The following ROBO1 variants were observed in gnomAD, a reference collection of about 807,000 sequenced individuals.
The protein encoded by ROBO1 is roundabout homolog 1.
In ROBO1, 149 loss-of-function variants were observed where a neutral mutation model predicts 195.9. That is an observed-to-expected ratio of 0.76 (90% CI 0.67 to 0.87). The LOEUF is 0.87. ROBO1 is among the 40% of genes least tolerant of loss of function. The pLI is 0.00. For synonymous variants in ROBO1, 816 were observed against 733.2 expected (o/e 1.11, Z -1.82); for missense variants, 1,933 against 2,068.3 (o/e 0.93, Z 1.27).
intron 2 of ROBO1, among the ~76,000 whole-genome samples, chr3:79,378,621 G>C (rs1164322235): frequency 6.6e-6 from 1 of 152,134 alleles, no homozygotes; most frequent in Non-Finnish European, 1.5e-5. Flanking sequence ...GTAAAATTAT[G>C]TTATTTCTTG....
intron 2 of ROBO1, among the ~76,000 whole-genome samples, chr3:79,569,612 G>A (rs1403460753): frequency 1.3e-5 from 2 of 151,546 alleles, no homozygotes; most frequent in Non-Finnish European, 2.9e-5. Flanking sequence ...GTATTAATAA[G>A]ACCAATGCAC....
intron 2 of ROBO1, among the ~76,000 whole-genome samples, chr3:79,514,754 T>C (rs115737028): frequency 0.012 from 1,796 of 152,316 alleles, 29 homozygotes; most frequent in Middle Eastern, 0.048. Context: ...TAGCTTAATG[T>C]ATACATTCAG....
intron 2 of ROBO1, among the ~76,000 whole-genome samples, chr3:79,516,022 C>G (rs890595246): frequency 1.3e-5 from 2 of 152,140 alleles, no homozygotes; most frequent in African/African-American, 4.8e-5. Context: ...CTGTCCCACA[C>G]TTGACTTTCA....
At chr3:79,721,481 C>G (rs1383257270) in intron 1 of ROBO1, among the ~76,000 whole-genome samples, 1 of 152,138 alleles carries the variant, frequency 6.6e-6, no homozygotes, top group Non-Finnish European at 1.5e-5. Flanking sequence ...AGGAAACTGT[C>G]AAACTTTCTG....
At chr3:78,734,397 CA>C (rs35325702) in intron 5 of ROBO1, among the ~76,000 whole-genome samples, 129,731 of 135,012 alleles carry the variant, frequency 0.96, 62,301 homozygotes, top group East Asian at 0.99. Flanking sequence ...CCCACCGCCA[CA>C]AAAAAAAAAA....
At chr3:78,976,189 G>C (rs1022089004) in intron 3 of ROBO1, among the ~76,000 whole-genome samples, 1 of 152,064 alleles carries the variant, frequency 6.6e-6, no homozygotes, top group Non-Finnish European at 1.5e-5. Context: ...AAAGAATTAA[G>C]GCACAGTACT....
At chr3:79,179,645 C>G (rs145810087) in intron 2 of ROBO1, among the ~76,000 whole-genome samples, 3 of 152,202 alleles carry the variant, frequency 2.0e-5, no homozygotes, top group Non-Finnish European at 4.4e-5. Flanking sequence ...AATCAGTGAA[C>G]TTTGGGGAAA....
rs149700448 is a variant in ROBO1 at position 79,294,152 on chromosome 3, G to A, written c.89-168613C>T. Among the ~76,000 whole-genome samples, 751 of 148,500 alleles carry A rather than the reference G, an allele frequency of 5.1e-3. 10 individuals carry two copies. The highest frequency in any genetic ancestry group is 0.018 in the African/African-American group (723 of 40,110). ...GCCCATATAGTCAAGACAATCTTAAGCAAAAAGAACAAAGCTGGAGGCATC... is the reference window on the plus strand; with the variant it reads ...GCCCATATAGTCAAGACAATCTTAAACAAAAAGAACAAAGCTGGAGGCATC... On this transcript the variant is annotated intron_variant, in intron 2 of 30. Transcript: ENST00000464233.
At chr3:78,702,787 T>C (rs112153502) in intron 8 of ROBO1, among the ~76,000 whole-genome samples, 140 of 152,294 alleles carry the variant, frequency 9.2e-4, no homozygotes, top group African/African-American at 3.0e-3. Flanking sequence ...CCCACTGTTA[T>C]GTAGACGAAT....
rs745836596 is a variant in ROBO1, at chr3:78,646,204, A to G, written c.2840-14T>C. The G allele has an allele frequency of 2.3e-5, 32 of 1,399,250 alleles. No homozygotes were observed. Among genetic ancestry groups the G allele is most frequent in the Middle Eastern group, 1.9e-4 (1 of 5,394 alleles). The allele number at this position is 1,399,250 out of a possible 1,614,324, so 86.7% of individuals were successfully genotyped here. ...TCTGGTAAGTTACTAGAATGTTACGAAAAAAAAAAGGAACAATTAATAGAC... is the reference window on the plus strand; with the variant it reads ...TCTGGTAAGTTACTAGAATGTTACGGAAAAAAAAAGGAACAATTAATAGAC... On this transcript the variant is annotated splice_polypyrimidine_tract_variant and intron_variant, in intron 20 of 30. Transcript: ENST00000464233.
At chr3:79,355,301 A>T (rs2035506760) in intron 2 of ROBO1, among the ~76,000 whole-genome samples, 1 of 152,150 alleles carries the variant, frequency 6.6e-6, no homozygotes, top group Admixed American at 6.6e-5. Flanking sequence ...AGCTGTAATA[A>T]GTGCAATTTA....
intron 3 of ROBO1, among the ~76,000 whole-genome samples, chr3:78,951,203 A>G (rs561432695): frequency 2.0e-5 from 3 of 151,888 alleles, no homozygotes; most frequent in Admixed American, 1.3e-4. Context: ...CAAGTCCCAG[A>G]TATCAGTGAT....
chr3:79,089,744 C>T (rs962018998), intron 3 of ROBO1, among the ~76,000 whole-genome samples: 7 of 152,046 alleles, frequency 4.6e-5, no homozygotes, highest in African/African-American at 1.7e-4. Flanking sequence ...TGTATTTATT[C>T]TCATTTATTT....
At chr3:78,955,543 T>C (rs1435565889) in intron 3 of ROBO1, among the ~76,000 whole-genome samples, 5 of 152,154 alleles carry the variant, frequency 3.3e-5, no homozygotes, top group African/African-American at 1.2e-4. Context: ...TTATGAGTTC[T>C]TTGTCTAAAG....
At chr3:78,664,749 G>T (rs987118860) in intron 14 of ROBO1, among the ~76,000 whole-genome samples, 4 of 152,124 alleles carry the variant, frequency 2.6e-5, no homozygotes, top group Admixed American at 6.6e-5. Flanking sequence ...GCTCCCTTAT[G>T]AATCACTTTC....
chr3:79,642,726 T>C (rs1945703207), intron 1 of ROBO1, among the ~76,000 whole-genome samples: 1 of 152,110 alleles, frequency 6.6e-6, no homozygotes, highest in East Asian at 1.9e-4. Context: ...CTGAGAGAAT[T>C]CACTGCCACT....
chr3:79,606,356 G>A (rs1360039364), intron 1 of ROBO1, among the ~76,000 whole-genome samples: 4 of 151,906 alleles, frequency 2.6e-5, no homozygotes, highest in African/African-American at 4.8e-5. Context: ...AGTTGTTTTT[G>A]CATAGATTGA....
At position 79,700,307 on chromosome 3, in the gene ROBO1, G is replaced by T. The variant is rs55708152; in HGVS notation, c.-51+67445C>A. On this transcript the variant is annotated intron_variant, in intron 1 of 30. Transcript: ENST00000464233. ...TGAACACGTGTGTGTGTGTGTTTGT[G>T]TGTGTGTGTTTGTGTGTGTGTGTGT... Among the ~76,000 whole-genome samples the T allele has an allele frequency of 5.0e-4, 55 of 109,964 alleles. No homozygotes were observed. In the South Asian group the frequency reaches 7.5e-3, roughly 15 times the overall value. The allele number at this position is 109,964 out of a possible 152,430, so 72.1% of individuals were successfully genotyped here. A position where few individuals can be genotyped will look rare whatever the true frequency, so the allele number is the denominator to read the frequency against.
At chr3:79,043,600 G>A (rs779287851) in intron 3 of ROBO1, among the ~76,000 whole-genome samples, 18 of 151,636 alleles carry the variant, frequency 1.2e-4, no homozygotes, top group Non-Finnish European at 2.4e-4. Flanking sequence ...CAAACGACTG[G>A]TTTTAAGGGT....
Sources: allele counts gnomAD v4.1 joint callset (sites outside exome capture counted in the v4.1 genomes callset), GRCh38; gene constraint gnomAD v4.1.1; transcripts MANE v1.5; gene names NCBI Gene and HGNC (gene_info 2026-07-23, HGNC 2026-07-21).